TSHZ2: variants seen among roughly 807,000 people sequenced by gnomAD.
TSHZ2 encodes teashirt zinc finger homeobox 2.
TSHZ2 carries 21 observed loss-of-function variants against 74.4 expected under a neutral mutation model. The observed-to-expected ratio is 0.28, with a 90% CI of 0.20 to 0.41. The LOEUF (loss-of-function observed/expected upper bound fraction) is 0.41. TSHZ2 is among the 10% of genes least tolerant of loss of function. TSHZ2 has a pLI of 1.00. For synonymous variants in TSHZ2, 540 were observed against 515.3 expected, an observed-to-expected ratio of 1.05 and a Z score of -0.65; for missense variants, 1,244 against 1,293.5, an observed-to-expected ratio of 0.96 and a Z score of 0.59.
chr20:53,148,727 C>T (rs1036797881), intron 1 of TSHZ2, among the ~76,000 whole-genome samples: 1 of 152,086 alleles, frequency 6.6e-6, no homozygotes, highest in Non-Finnish European at 1.5e-5. Flanking sequence ...CTGAGATTGC[C>T]ATCAACATAA....
intron 2 of TSHZ2, among the ~76,000 whole-genome samples, chr20:53,439,772 T>C (rs929663247): frequency 1.1e-4 from 16 of 152,250 alleles, no homozygotes; most frequent in African/African-American, 3.9e-4. Context: ...GTTTTCAAAC[T>C]GAATTGTTTC....
intron 1 of TSHZ2, among the ~76,000 whole-genome samples, chr20:53,048,156 A>G (rs1984295371): frequency 6.6e-6 from 1 of 152,194 alleles, no homozygotes; most frequent in Non-Finnish European, 1.5e-5. Context: ...TGAGAGCCAC[A>G]GTGTCACAAC....
At chr20:53,454,547 G>C (rs1984968740) in intron 2 of TSHZ2, among the ~76,000 whole-genome samples, 1 of 150,688 alleles carries the variant, frequency 6.6e-6, no homozygotes, top group Non-Finnish European at 1.5e-5. Context: ...GGGTGACAGA[G>C]TGAAACTTGG....
At chr20:53,112,509 TAAG>T (rs1986561530) in intron 1 of TSHZ2, among the ~76,000 whole-genome samples, 1 of 152,192 alleles carries the variant, frequency 6.6e-6, no homozygotes, top group Non-Finnish European at 1.5e-5. Context: ...ATAATCCTAA[TAAG>T]AAATTCATTT....
intron 1 of TSHZ2, among the ~76,000 whole-genome samples, chr20:53,011,950 C>T (rs138603816): frequency 4.0e-4 from 61 of 152,218 alleles, no homozygotes; most frequent in African/African-American, 1.4e-3. Flanking sequence ...GGTACAATTG[C>T]CACCACATTA....
At chr20:53,372,547 C>G (rs1981514787) in intron 2 of TSHZ2, among the ~76,000 whole-genome samples, 1 of 151,920 alleles carries the variant, frequency 6.6e-6, no homozygotes, top group Non-Finnish European at 1.5e-5. Context: ...GAAGGAAGGA[C>G]CCAGTTTATT....
At chr20:53,463,731 A>T (rs1985473491) in intron 2 of TSHZ2, among the ~76,000 whole-genome samples, 1 of 152,178 alleles carries the variant, frequency 6.6e-6, no homozygotes, top group African/African-American at 2.4e-5. Context: ...GGGCCCAGGC[A>T]TCCACAGGTG....
At chr20:52,989,847 T>G (rs1981912335) in intron 1 of TSHZ2, among the ~76,000 whole-genome samples, 1 of 152,176 alleles carries the variant, frequency 6.6e-6, no homozygotes, top group East Asian at 1.9e-4. Flanking sequence ...ACACTATATT[T>G]TGTAATTTTT....
At chr20:53,440,664 C>T (rs373956541) in intron 2 of TSHZ2, among the ~76,000 whole-genome samples, 185 of 152,192 alleles carry the variant, frequency 1.2e-3, no homozygotes, top group African/African-American at 3.9e-3. Flanking sequence ...TTGGCTGTGC[C>T]GTAGAGTTGG....
intron 1 of TSHZ2, among the ~76,000 whole-genome samples, chr20:53,100,906 A>G (rs999287256): frequency 2.0e-5 from 3 of 152,036 alleles, no homozygotes; most frequent in African/African-American, 2.4e-5. Context: ...TGACAAATCC[A>G]TGGCTGTTTC....
At chr20:53,224,432 G>A (rs981641567) in intron 1 of TSHZ2, among the ~76,000 whole-genome samples, 1 of 151,700 alleles carries the variant, frequency 6.6e-6, no homozygotes, top group Non-Finnish European at 1.5e-5. Flanking sequence ...AAACTTCTCT[G>A]TTCCTCCATT....
chr20:53,013,994 G>C (rs1340603162), intron 1 of TSHZ2, among the ~76,000 whole-genome samples: 1 of 152,216 alleles, frequency 6.6e-6, no homozygotes, highest in African/African-American at 2.4e-5. Context: ...TGATATGAAA[G>C]TGAAATGAGC....
At chr20:53,076,532 C>T (rs1985368136) in intron 1 of TSHZ2, among the ~76,000 whole-genome samples, 1 of 152,122 alleles carries the variant, frequency 6.6e-6, no homozygotes. Flanking sequence ...AAGGACTGGG[C>T]CAGATTCCAT....
intron 2 of TSHZ2, among the ~76,000 whole-genome samples, chr20:53,343,930 C>T (rs1980327663): frequency 1.3e-5 from 2 of 152,168 alleles, no homozygotes; most frequent in South Asian, 4.1e-4. Context: ...TTGTCAATTT[C>T]CTTGGACTTC....
At chr20:53,197,805 T>C (rs1458975502) in intron 1 of TSHZ2, among the ~76,000 whole-genome samples, 2 of 152,190 alleles carry the variant, frequency 1.3e-5, no homozygotes, top group East Asian at 3.8e-4. Context: ...TGGCTGTTCC[T>C]TTGAGCTTAT....
intron 2 of TSHZ2, among the ~76,000 whole-genome samples, chr20:53,453,558 A>G (rs1984904544): frequency 6.6e-6 from 1 of 152,216 alleles, no homozygotes; most frequent in African/African-American, 2.4e-5. Flanking sequence ...TGTGGAGTGG[A>G]AGCAAAGCAA....
chr20:53,261,977 G>A (rs1431677576), intron 2 of TSHZ2, among the ~76,000 whole-genome samples: 1 of 152,196 alleles, frequency 6.6e-6, no homozygotes, highest in African/African-American at 2.4e-5. Flanking sequence ...AGAATCTGGT[G>A]GAGGGACACA....
intron 2 of TSHZ2, among the ~76,000 whole-genome samples, chr20:53,299,311 A>G (rs910851122): frequency 3.9e-5 from 6 of 152,206 alleles, no homozygotes; most frequent in Admixed American, 6.5e-5. Flanking sequence ...TTTATGTAAA[A>G]CAACTTGAAC....
intron 2 of TSHZ2, among the ~76,000 whole-genome samples, chr20:53,466,800 T>C (rs1985576922): frequency 6.6e-6 from 1 of 152,254 alleles, no homozygotes; most frequent in African/African-American, 2.4e-5. Context: ...CTGATCTTTG[T>C]GACCCTTTTA....
Sources: allele counts gnomAD v4.1 joint callset (sites outside exome capture counted in the v4.1 genomes callset), GRCh38; gene constraint gnomAD v4.1.1; transcripts MANE v1.5; gene names NCBI Gene and HGNC (gene_info 2026-07-23, HGNC 2026-07-21).